The following ARHGEF28 variants were observed in gnomAD, a reference collection of about 807,000 sequenced individuals.
ARHGEF28 encodes the protein Rho guanine nucleotide exchange factor 28.
Under a neutral mutation model 206.6 loss-of-function variants are expected in ARHGEF28, and 152 were observed. That is an observed-to-expected ratio of 0.74 (90% confidence interval 0.64 to 0.84). ARHGEF28 has a LOEUF of 0.84. ARHGEF28 is among the 40% of genes least tolerant of loss of function. The probability of loss-of-function intolerance (pLI) is 0.00; values close to 1 mark genes in which losing one functional copy is unlikely to be tolerated. For synonymous variants in ARHGEF28, 763 were observed against 776.4 expected (o/e 0.98, Z 0.29); for missense variants, 2,028 against 2,073.2 (o/e 0.98, Z 0.42).
intron 9 of ARHGEF28, among the ~76,000 whole-genome samples, chr5:73,808,412 G>A (rs990561325): frequency 2.0e-5 from 3 of 152,140 alleles, no homozygotes; most frequent in African/African-American, 7.2e-5. Context: ...CTTGGCACAA[G>A]GGTAAGAGCT....
chr5:73,909,452 G>C lies in ARHGEF28; in HGVS notation c.4202G>C (p.Arg1401Thr). 6.2e-7 allele frequency: 1 copy of C among 1,612,754 alleles called. No individual in the cohort carries two copies. The highest frequency in any genetic ancestry group is 8.5e-7 in the Non-Finnish European group (1 of 1,179,460). ...CAGGACAGCCACATTGAGATCCACAGGCTGGTTCTCCAGCAGCAGGAGGGC... is the reference window on the plus strand; with the variant it reads ...CAGGACAGCCACATTGAGATCCACACGCTGGTTCTCCAGCAGCAGGAGGGC... ...TIQDSHIEIH[R>T]LVLQQQEGLS... Residue 1401 changes from arginine (R) to threonine (T), a missense_variant, in exon 34 of 36, where the codon AGG becomes ACG. By Grantham distance (71) the Arg-to-Thr change is moderately conservative. Coordinates refer to ENST00000513042, the MANE Select transcript of ARHGEF28 (RefSeq NM_001177693.2).
chr5:73,912,223 A>G (rs1762948721), intron 35 of ARHGEF28, among the ~76,000 whole-genome samples: 1 of 152,214 alleles, frequency 6.6e-6, no homozygotes, highest in Admixed American at 6.5e-5. Context: ...TCTATTATAA[A>G]TTGTTTTCTG....
intron 5 of ARHGEF28, among the ~76,000 whole-genome samples, chr5:73,774,488 C>T (rs1023921929): frequency 4.6e-5 from 7 of 152,292 alleles, no homozygotes; most frequent in Admixed American, 6.5e-5. Context: ...TTGCAATGCT[C>T]TAGTACAATG....
At chr5:73,866,162 A>G (rs1044708673) in intron 18 of ARHGEF28, 149 bp downstream of exon 18, 1 of 779,192 alleles carries the variant, frequency 1.3e-6, no homozygotes, top group Non-Finnish European at 2.0e-6. Flanking sequence ...TAGTTCTATA[A>G]AGTCGTCAAG....
intron 1 of ARHGEF28, among the ~76,000 whole-genome samples, chr5:73,680,940 C>T (rs1024194699): frequency 1.3e-5 from 2 of 151,964 alleles, no homozygotes; most frequent in East Asian, 1.9e-4. Context: ...TGGGCTCAAG[C>T]GATCCACCTG....
chr5:73,935,253 G>A (rs1205704462), intron 35 of ARHGEF28, among the ~76,000 whole-genome samples: 4 of 152,076 alleles, frequency 2.6e-5, no homozygotes, highest in Non-Finnish European at 2.9e-5. Flanking sequence ...TGTTATACAT[G>A]CCACATACAT....
At chr5:73,703,199 T>A (rs993763262) in intron 2 of ARHGEF28, among the ~76,000 whole-genome samples, 1 of 152,004 alleles carries the variant, frequency 6.6e-6, no homozygotes, top group Non-Finnish European at 1.5e-5. Context: ...ATGGTTAAAT[T>A]GATAGCACTT....
intron 26 of ARHGEF28, among the ~76,000 whole-genome samples, chr5:73,889,690 C>T (rs1761511996): frequency 6.6e-6 from 1 of 152,216 alleles, no homozygotes; most frequent in Non-Finnish European, 1.5e-5. Flanking sequence ...TCTTCTCCTA[C>T]ATTAGAGGTC....
intron 35 of ARHGEF28, among the ~76,000 whole-genome samples, chr5:73,930,376 G>C (rs1764040164): frequency 6.6e-6 from 1 of 152,114 alleles, no homozygotes; most frequent in Non-Finnish European, 1.5e-5. Flanking sequence ...TTTATTGGCT[G>C]TTTAGGTTCC....
chr5:73,835,727 C>T (rs1380084277), intron 10 of ARHGEF28, among the ~76,000 whole-genome samples: 5 of 152,162 alleles, frequency 3.3e-5, no homozygotes, highest in African/African-American at 1.2e-4. Flanking sequence ...TGAGGAGGGG[C>T]TGTGGGAACC....
At chr5:73,791,661 G>A (rs1754491289) in intron 7 of ARHGEF28, among the ~76,000 whole-genome samples, 1 of 152,082 alleles carries the variant, frequency 6.6e-6, no homozygotes, top group East Asian at 1.9e-4. Flanking sequence ...TTTTTTAGGC[G>A]AATCTGTTTC....
At chr5:73,668,804 G>A (rs1292310997) in intron 1 of ARHGEF28, among the ~76,000 whole-genome samples, 2 of 148,834 alleles carry the variant, frequency 1.3e-5, no homozygotes, top group African/African-American at 2.5e-5. Context: ...AAGTGCCTGT[G>A]TGTCCACAAC....
At chr5:73,830,560 G>GAAAAAAA (rs57559151) in intron 9 of ARHGEF28, among the ~76,000 whole-genome samples, 1 of 127,188 alleles carries the variant, frequency 7.9e-6, no homozygotes. Flanking sequence ...CTCAAAAAAA[G>GAAAAAAA]AAAAAAAAAA....
chr5:73,674,519 C>T (rs538167225), intron 1 of ARHGEF28, among the ~76,000 whole-genome samples: 21 of 152,320 alleles, frequency 1.4e-4, no homozygotes, highest in African/African-American at 3.4e-4. Flanking sequence ...GAAACATACA[C>T]GGTATTTTGA....
chr5:73,725,258 A>G (rs1014459435), intron 2 of ARHGEF28, among the ~76,000 whole-genome samples: 1 of 152,156 alleles, frequency 6.6e-6, no homozygotes, highest in Non-Finnish European at 1.5e-5. Context: ...GATAGAGGAG[A>G]TATTTTTGTA....
In ARHGEF28 at chr5:73,883,939, G is replaced by A. The variant is rs754595107; in HGVS notation, c.3055+55G>A. 5 of 1,116,032 alleles carry A rather than the reference G, an allele frequency of 4.5e-6. No individual in the cohort carries two copies. The African/African-American group carries it at 4.8e-5, about 11-fold the overall frequency. 69.1% of individuals were successfully genotyped at this position (1,116,032 alleles called of 1,614,324 possible). On this transcript the variant is annotated intron_variant, in intron 24 of 35. Transcript: ENST00000513042. ...GCCCCTCTTATTAGTTTTAAACACA[G>A]TTGAGGTGTTCTAAACAGCCATCAG...
chr5:73,626,974 C>T (rs974040514), intron 1 of ARHGEF28: 6 of 152,378 alleles, frequency 3.9e-5, no homozygotes, highest in East Asian at 3.9e-4. Flanking sequence ...CTTAGGTTTT[C>T]CGAATGACAG....
chr5:73,750,044 G>T, intron 3 of ARHGEF28, 60 bp downstream of exon 3: 2 of 1,588,092 alleles, frequency 1.3e-6, no homozygotes, highest in Non-Finnish European at 8.6e-7. Flanking sequence ...TTCCCTCCAG[G>T]GCTGTAGGCC....
intron 2 of ARHGEF28, among the ~76,000 whole-genome samples, chr5:73,722,146 A>G (rs1399660549): frequency 6.6e-6 from 1 of 152,270 alleles, no homozygotes; most frequent in Non-Finnish European, 1.5e-5. Context: ...GCTATGCTAA[A>G]CTATTTAATA....
Sources: allele counts gnomAD v4.1 joint callset (sites outside exome capture counted in the v4.1 genomes callset), GRCh38; gene constraint gnomAD v4.1.1; transcripts MANE v1.5; gene names NCBI Gene and HGNC (gene_info 2026-07-23, HGNC 2026-07-21).